Variants in MUC17 observed in about 807,000 individuals in gnomAD.
The protein encoded by MUC17 is mucin 17, cell surface associated, also known as mucin-17.
MUC17 carries 190 observed loss-of-function variants against 170.3 expected under a neutral mutation model. The observed-to-expected ratio is 1.12, with a 90% CI of 0.99 to 1.26. The LOEUF is 1.26. MUC17 is among the 50% of genes most tolerant of loss of function. The pLI is 0.00. For missense variants in MUC17, 6,415 were observed against 5,530.0 expected (o/e 1.16, Z -5.08); for synonymous variants, 2,325 against 2,002.5 (o/e 1.16, Z -4.30).
rs1236308857 is a variant in MUC17, at chr7:101,043,084, C to A, written c.11668C>A (p.Pro3890Thr). ...CAGCACCACACTTCCAACTAGCTTT[C>A]CTGGGGCCAGCATAGCTTCGACACC... is the stretch of plus-strand genomic sequence containing the variant. ...LVSTTLPTSFPGASIASTPPL... is the reference protein window; with the variant it reads ...LVSTTLPTSFTGASIASTPPL... Residue 3890 changes from proline to threonine, a missense_variant, in exon 3 of 13, where the codon CCT (proline) becomes ACT (threonine). Transcript: ENST00000306151. The A allele has an allele frequency of 1.2e-6, 2 of 1,614,044 alleles. No homozygotes were observed. Among genetic ancestry groups the A allele is most frequent in the Admixed American group, 1.7e-5 (1 of 60,004 alleles).
rs144296263 is a variant in MUC17, at chr7:101,038,085, A to T, written c.6669A>T (p.Thr2223=). ...CTAGTGAAGGAAGCACTCCATTCAC[A>T]AGTATGCCTGTCAGCACCATGCCGG... The part of the protein sequence containing the change: ...STPSEGSTPF[T]SMPVSTMPVV... Residue 2223 remains threonine (T), a synonymous_variant, in exon 3 of 13, where the codon ACA becomes ACT. Coordinates refer to ENST00000306151, the MANE Select transcript of MUC17 (RefSeq NM_001040105.2). The T allele has an allele frequency of 4.0e-5, 56 of 1,406,782 alleles. No individual in the cohort carries two copies. In the African/African-American group the frequency reaches 7.4e-4, roughly 19 times the overall value. 87.1% of individuals were successfully genotyped at this position (1,406,782 alleles called of 1,614,324 possible). A position where few individuals can be genotyped will look rare whatever the true frequency, so the allele number is the denominator to read the frequency against.
At chr7:101,020,712 G>A (rs201785937) in intron 1 of MUC17, among the ~76,000 whole-genome samples, 1 of 152,184 alleles carries the variant, frequency 6.6e-6, no homozygotes, top group East Asian at 1.9e-4. Flanking sequence ...GGCGTTTCAG[G>A]AGCCCCAGAT....
In MUC17 at chr7:101,031,131, A is replaced by G. The variant is rs775807508; in HGVS notation, c.94A>G (p.Asn32Asp). 8.1e-6 allele frequency: 13 copies of G among 1,612,866 alleles called. No individual in the cohort carries two copies. Among genetic ancestry groups the G allele is most frequent in the Non-Finnish European group, 1.1e-5 (13 of 1,179,420 alleles). ...QAAAEQDLSV[N>D]RAVWDGGGCI... ...TTTGTCTCTTTCAGACCTCAGTGTG[A>G]ACAGGGCTGTGTGGGATGGAGGAGG... Residue 32 changes from asparagine (N) to aspartate (D), a missense_variant, in exon 2 of 13, where the codon AAC (asparagine) becomes GAC (aspartate). Coordinates refer to ENST00000306151, the MANE Select transcript of MUC17 (RefSeq NM_001040105.2).
rs985382340 is a variant in MUC17 at position 101,038,505 on chromosome 7, T to C, written c.7089T>C (p.Ala2363=). 3 of 1,604,774 alleles carry C rather than the reference T, an allele frequency of 1.9e-6. No individual in the cohort carries two copies. Among genetic ancestry groups the C allele is most frequent in the Non-Finnish European group, 2.6e-6 (3 of 1,174,348 alleles). ...FETSTLSTTP[A]DTSTPVTTYS... is the part of the protein sequence containing the mutation. ...CAAGCACACTTTCTACAACTCCTGCTGACACCAGCACACCTGTGACTACTT... is the reference window on the plus strand; with the variant it reads ...CAAGCACACTTTCTACAACTCCTGCCGACACCAGCACACCTGTGACTACTT... Residue 2363 remains alanine (A), a synonymous_variant, in exon 3 of 13, where the codon GCT becomes GCC. Coordinates refer to ENST00000306151, the MANE Select transcript of MUC17 (RefSeq NM_001040105.2).
At position 101,035,181 on chromosome 7, in the gene MUC17, A is replaced by C. The variant is rs756491461; in HGVS notation, c.3765A>C (p.Glu1255Asp). 2 of 1,610,400 alleles carry C rather than the reference A, an allele frequency of 1.2e-6. No homozygotes were observed. The highest frequency in any genetic ancestry group is 1.7e-6 in the Non-Finnish European group (2 of 1,178,238). Residue 1255 changes from glutamate to aspartate, a missense_variant, in exon 3 of 13, where the codon GAA becomes GAC. Coordinates refer to ENST00000306151, the MANE Select transcript of MUC17 (RefSeq NM_001040105.2). ...GCACACCTGTGACCACTTCTGCTGA[A>C]ACCAGTTCCTCTCCTACAACCGCTG... ...DTSTPVTTSA[E>D]TSSSPTTAEG...
In MUC17 at chr7:101,039,829, C is replaced by T; in HGVS notation, c.8413C>T (p.Pro2805Ser). 5.6e-6 allele frequency: 9 copies of T among 1,610,534 alleles called. No individual in the cohort carries two copies. The highest frequency in any genetic ancestry group is 1.1e-5 in the South Asian group (1 of 90,978). ...AGTTACCAGCATGCCAACCTCAACT[C>T]CTAGTGAAACAAGTACTCCATTAAC... ...AEVTSMPTST[P>S]SETSTPLTSM... Residue 2805 changes from proline (P) to serine (S), a missense_variant, in exon 3 of 13, where the codon CCT (proline) becomes TCT (serine). Pro to Ser is a moderately conservative substitution (Grantham distance 74). Coordinates refer to ENST00000306151, the MANE Select transcript of MUC17 (RefSeq NM_001040105.2).
At position 101,033,540 on chromosome 7, in the gene MUC17, T is replaced by C. The variant is rs757077942; in HGVS notation, c.2124T>C (p.Leu708=). The C allele has an allele frequency of 4.3e-6, 7 of 1,613,970 alleles. No individual in the cohort carries two copies. The highest frequency in any genetic ancestry group is 5.1e-6 in the Non-Finnish European group (6 of 1,180,016). ...TLVASSEAST[L]STTPVDTSTP... is the part of the protein sequence containing the mutation. ...TGGCCAGTTCTGAGGCTAGCACCCT[T>C]TCAACAACTCCTGTTGACACCAGCA... The change falls in exon 3 of 13, where the codon CTT becomes CTC. Residue 708 remains leucine, a synonymous_variant. Coordinates refer to ENST00000306151, the MANE Select transcript of MUC17 (RefSeq NM_001040105.2).
chr7:101,024,738 C>CTTTTTTTTTTT (rs35811119), intron 1 of MUC17, among the ~76,000 whole-genome samples: 4 of 125,464 alleles, frequency 3.2e-5, no homozygotes, highest in East Asian at 2.3e-4. Context: ...CTGTCTCCTC[C>CTTTTTTTTTTT]TTTTTTTTTT....
Position 101,043,238 on chromosome 7 carries a change from T to C in MUC17, c.11822T>C (p.Ile3941Thr), listed in dbSNP as rs769059300. Residue 3941 changes from isoleucine (I) to threonine (T), a missense_variant, in exon 3 of 13, where the codon ATT (isoleucine) becomes ACT (threonine). By Grantham distance (89) the Ile-to-Thr change is moderately conservative. Coordinates refer to ENST00000306151, the MANE Select transcript of MUC17 (RefSeq NM_001040105.2). ...AGCACACCTGGGACAACCATTTTTATTCCCAGCACTCCTGTCACCAGTTCT... is the reference window on the plus strand; with the variant it reads ...AGCACACCTGGGACAACCATTTTTACTCCCAGCACTCCTGTCACCAGTTCT... Reference protein sequence around the residue: ...EGSTPGTTIFIPSTPVTSSTA... With the variant: ...EGSTPGTTIFTPSTPVTSSTA... 39 of 1,614,052 alleles carry C rather than the reference T, an allele frequency of 2.4e-5. No homozygotes were observed. In the Admixed American group the frequency reaches 6.3e-4, roughly 26 times the overall value.
rs780361395 is a variant in MUC17 at position 101,041,831 on chromosome 7, G to C, written c.10415G>C (p.Ser3472Thr). Residue 3472 changes from serine (S) to threonine (T), a missense_variant, in exon 3 of 13, where the codon AGT becomes ACT. Transcript: ENST00000306151. The stretch of plus-strand genomic sequence containing the variant: ...CCTCTCAGTACCACGCCGGTGGCCA[G>C]TTCTGAGGCTAGCACCCTTTCAACA... ...IMPLSTTPVA[S>T]SEASTLSTTP... The C allele has an allele frequency of 6.2e-7, 1 of 1,614,034 alleles. No individual in the cohort carries two copies. Among genetic ancestry groups the C allele is most frequent in the East Asian group, 2.2e-5 (1 of 44,874 alleles).
In MUC17 at chr7:101,041,890, T is replaced by C; in HGVS notation, c.10474T>C (p.Ser3492Pro). The change falls in exon 3 of 13, where the codon TCT becomes CCT. Residue 3492 changes from serine (S) to proline (P), a missense_variant. Transcript: ENST00000306151. ...PVDTSTPVTT[S>P]SPTNSSPTTA... ...TGACACCAGCACACCTGTGACCACTTCTTCTCCAACCAATTCATCTCCTAC... is the reference window on the plus strand; with the variant it reads ...TGACACCAGCACACCTGTGACCACTCCTTCTCCAACCAATTCATCTCCTAC... 1 of 1,613,978 alleles carries C rather than the reference T, an allele frequency of 6.2e-7. No individual in the cohort carries two copies. The highest frequency in any genetic ancestry group is 8.5e-7 in the Non-Finnish European group (1 of 1,180,004).
rs74687161 is a variant in MUC17, at chr7:101,037,055, C to A, written c.5639C>A (p.Ala1880Asp). 1.2e-5 allele frequency: 19 copies of A among 1,583,312 alleles called. No individual in the cohort carries two copies. Among genetic ancestry groups the A allele is most frequent in the Non-Finnish European group, 1.6e-5 (19 of 1,178,258 alleles). The stretch of plus-strand genomic sequence containing the variant: ...ATACCTGTCAGCACCACAACAGTGG[C>A]CAGTTCTGAAACCAACACCCTTTCA... ...TSIPVSTTTV[A>D]SSETNTLSTT... Residue 1880 changes from alanine to aspartate, a missense_variant, in exon 3 of 13, where the codon GCC becomes GAC. Transcript: ENST00000306151.
At chr7:101,031,482 A>AGGG (rs1233281887) in intron 2 of MUC17, 119 bp from the exon 3 acceptor site, 1 of 1,160,232 alleles carries the variant, frequency 8.6e-7, no homozygotes, top group Non-Finnish European at 1.2e-6. Flanking sequence ...TTCTTCCTGA[A>AGGG]AACGGATGAC....
intron 1 of MUC17, among the ~76,000 whole-genome samples, chr7:101,026,780 C>A (rs940324351): frequency 2.6e-5 from 4 of 152,180 alleles, no homozygotes; most frequent in African/African-American, 9.7e-5. Context: ...AGCATCTCAC[C>A]ATGTTGCCTA....
At position 101,036,233 on chromosome 7, in the gene MUC17, C is replaced by T; in HGVS notation, c.4817C>T (p.Ala1606Val). The T allele has an allele frequency of 6.2e-7, 1 of 1,614,024 alleles. No individual in the cohort carries two copies. Among genetic ancestry groups the T allele is most frequent in the Non-Finnish European group, 8.5e-7 (1 of 1,180,004 alleles). Residue 1606 changes from alanine (A) to valine (V), a missense_variant, in exon 3 of 13, where the codon GCT (alanine) becomes GTT (valine). By Grantham distance (64) the Ala-to-Val change is moderately conservative. Transcript: ENST00000306151. ...TPIDSKTQVT[A>V]STEASSSTTA... ...ATTGACTCCAAAACTCAGGTGACCG[C>T]TTCTACTGAAGCCAGTTCATCTACA...
In MUC17 at chr7:101,041,036, C is replaced by T; in HGVS notation, c.9620C>T (p.Ala3207Val). 6.2e-7 allele frequency: 1 copy of T among 1,613,772 alleles called. No homozygotes were observed. The highest frequency in any genetic ancestry group is 8.5e-7 in the Non-Finnish European group (1 of 1,179,940). Residue 3207 changes from alanine (A) to valine (V), a missense_variant, in exon 3 of 13, where the codon GCT becomes GTT. By Grantham distance (64) the Ala-to-Val change is moderately conservative. Coordinates refer to ENST00000306151, the MANE Select transcript of MUC17 (RefSeq NM_001040105.2). ...ACTGAAGCCACTTCATCTACAACTGCTGAAGGTACCAGCATTCCAACCTCA... is the reference window on the plus strand; with the variant it reads ...ACTGAAGCCACTTCATCTACAACTGTTGAAGGTACCAGCATTCCAACCTCA... ...TSTEATSSTT[A>V]EGTSIPTSTP...
At position 101,040,055 on chromosome 7, in the gene MUC17, C is replaced by T. The variant is rs142042551; in HGVS notation, c.8639C>T (p.Pro2880Leu). The T allele has an allele frequency of 2.8e-4, 457 of 1,613,006 alleles. 4 individuals are homozygous for T. In the East Asian group the frequency reaches 5.0e-3, roughly 18 times the overall value. The change falls in exon 3 of 13, where the codon CCG becomes CTG. Residue 2880 changes from proline to leucine, a missense_variant. Transcript: ENST00000306151. ...LLTSIPVSTT[P>L]VASSEASTLS... ...ACAAGTATACCTGTCAGCACCACGCCGGTGGCCAGTTCTGAGGCTAGCACC... is the reference window on the plus strand; with the variant it reads ...ACAAGTATACCTGTCAGCACCACGCTGGTGGCCAGTTCTGAGGCTAGCACC...
intron 1 of MUC17, among the ~76,000 whole-genome samples, chr7:101,027,587 G>A (rs1794203844): frequency 6.6e-6 from 1 of 152,110 alleles, no homozygotes; most frequent in Non-Finnish European, 1.5e-5. Flanking sequence ...TTCTTCATGT[G>A]TCTTGTGTTT....
In MUC17 at chr7:101,035,690, C is replaced by A. The variant is rs747002636; in HGVS notation, c.4274C>A (p.Thr1425Asn). ...TLSATPVDTS[T>N]PGTTSAEATS... is the part of the protein sequence containing the mutation. Reference sequence around the variant, plus strand: ...TCAGCAACTCCTGTTGACACCAGCACCCCTGGGACCACTTCTGCTGAAGCC... The same window carrying A: ...TCAGCAACTCCTGTTGACACCAGCAACCCTGGGACCACTTCTGCTGAAGCC... Residue 1425 changes from threonine to asparagine, a missense_variant, in exon 3 of 13, where the codon ACC becomes AAC. By Grantham distance (65) the Thr-to-Asn change is moderately conservative. Transcript: ENST00000306151. The A allele has an allele frequency of 8.7e-6, 14 of 1,606,330 alleles. No individual in the cohort carries two copies. Among genetic ancestry groups the A allele is most frequent in the Non-Finnish European group, 1.2e-5 (14 of 1,176,118 alleles).
Sources: allele counts gnomAD v4.1 joint callset (sites outside exome capture counted in the v4.1 genomes callset), GRCh38; gene constraint gnomAD v4.1.1; transcripts MANE v1.5; gene names NCBI Gene and HGNC (gene_info 2026-07-23, HGNC 2026-07-21).